ZNRF3: variants seen among roughly 807,000 people sequenced by gnomAD.
ZNRF3 encodes the protein zinc and ring finger 3.
Under a neutral mutation model 72.5 loss-of-function variants are expected in ZNRF3, and 23 were observed. The observed-to-expected ratio is 0.32, with a 90% CI of 0.23 to 0.45. The LOEUF (loss-of-function observed/expected upper bound fraction) is 0.45. ZNRF3 is among the 20% of genes least tolerant of loss of function. The pLI is 1.00. For missense variants in ZNRF3, 1,169 were observed against 1,272.1 expected, an observed-to-expected ratio of 0.92 and a Z score of 1.23; for synonymous variants, 610 against 545.3, an observed-to-expected ratio of 1.12 and a Z score of -1.65.
intron 1 of ZNRF3, among the ~76,000 whole-genome samples, chr22:28,911,643 T>C (rs968766458): frequency 1.3e-5 from 2 of 152,154 alleles, no homozygotes; most frequent in African/African-American, 2.4e-5. Flanking sequence ...TGGAAGAAAA[T>C]TGCTGCCATG....
chr22:28,976,228 A>G (rs1190321809), intron 1 of ZNRF3, among the ~76,000 whole-genome samples: 2 of 152,214 alleles, frequency 1.3e-5, no homozygotes, highest in African/African-American at 4.8e-5. Flanking sequence ...GCACTCCAGC[A>G]TGGGCAACAG....
intron 1 of ZNRF3, among the ~76,000 whole-genome samples, chr22:28,963,196 A>G (rs925159910): frequency 6.6e-6 from 1 of 152,240 alleles, no homozygotes; most frequent in Non-Finnish European, 1.5e-5. Context: ...ATGAAGCAGG[A>G]AACCCAACAC....
At chr22:28,899,440 G>A (rs955934780) in intron 1 of ZNRF3, among the ~76,000 whole-genome samples, 2 of 152,200 alleles carry the variant, frequency 1.3e-5, no homozygotes, top group Admixed American at 6.5e-5. Flanking sequence ...GTTGGCACAC[G>A]TCTCAGCATG....
Position 28,935,295 on chromosome 22 carries a change from C to G in ZNRF3, c.300+51229C>G, listed in dbSNP as rs188059809. Among the ~76,000 whole-genome samples, 222 of 152,310 alleles carry G rather than the reference C, an allele frequency of 1.5e-3. 4 individuals carry two copies. Among genetic ancestry groups the G allele is most frequent in the Non-Finnish European group, 4.9e-4 (33 of 68,018 alleles). On this transcript the variant is annotated intron_variant, in intron 1 of 8. Coordinates refer to ENST00000544604, the MANE Select transcript of ZNRF3 (RefSeq NM_001206998.2). The stretch of plus-strand genomic sequence containing the variant: ...TTGCCTGTGTACCTGCCCTTTGCCC[C>G]TAGAGGTCCCACTGTGAGTGCCCCA...
intron 1 of ZNRF3, among the ~76,000 whole-genome samples, chr22:28,944,264 G>A (rs2035004929): frequency 6.6e-6 from 1 of 150,440 alleles, no homozygotes; most frequent in Non-Finnish European, 1.5e-5. Context: ...GTCTTTGGGG[G>A]AACATTTTTT....
intron 1 of ZNRF3, among the ~76,000 whole-genome samples, chr22:28,938,241 A>G (rs1012839872): frequency 3.3e-5 from 5 of 151,976 alleles, no homozygotes; most frequent in African/African-American, 9.7e-5. Context: ...TTTCATTTAA[A>G]TATGTCTTGA....
At chr22:28,886,943 G>A (rs1479914823) in intron 1 of ZNRF3, among the ~76,000 whole-genome samples, 4 of 151,976 alleles carry the variant, frequency 2.6e-5, no homozygotes, top group East Asian at 1.9e-4. Context: ...ACAACAGAGC[G>A]AGACACTCTC....
At chr22:28,894,144 G>C (rs2033948993) in intron 1 of ZNRF3, among the ~76,000 whole-genome samples, 1 of 149,914 alleles carries the variant, frequency 6.7e-6, no homozygotes, top group Admixed American at 6.7e-5. Flanking sequence ...TTTTTGTAGA[G>C]ATGGGTTTTT....
chr22:28,928,273 C>G (rs915850207), intron 1 of ZNRF3, among the ~76,000 whole-genome samples: 4 of 152,052 alleles, frequency 2.6e-5, no homozygotes, highest in African/African-American at 9.7e-5. Flanking sequence ...CTTACATACA[C>G]TTAGTTTTGA....
chr22:28,991,371 G>A (rs1336074104), intron 2 of ZNRF3, among the ~76,000 whole-genome samples: 1 of 151,120 alleles, frequency 6.6e-6, no homozygotes, highest in East Asian at 1.9e-4. Flanking sequence ...ATAGTACAAT[G>A]TGGGGAAATT....
At chr22:28,929,058 A>C (rs1340200077) in intron 1 of ZNRF3, among the ~76,000 whole-genome samples, 1 of 152,210 alleles carries the variant, frequency 6.6e-6, no homozygotes, top group Non-Finnish European at 1.5e-5. Context: ...CATGAGACAA[A>C]AAAAGAACAC....
intron 2 of ZNRF3, among the ~76,000 whole-genome samples, chr22:29,009,684 G>A (rs886210441): frequency 6.6e-6 from 1 of 152,118 alleles, no homozygotes; most frequent in Non-Finnish European, 1.5e-5. Context: ...GGACTTGGTA[G>A]AAGTTACCCA....
At chr22:28,884,639 G>A (rs1027515018) in intron 1 of ZNRF3, among the ~76,000 whole-genome samples, 5 of 152,298 alleles carry the variant, frequency 3.3e-5, no homozygotes, top group African/African-American at 1.2e-4. Flanking sequence ...GTCGAGGAGT[G>A]GGGATCGGGG....
At chr22:28,956,202 A>T (rs1231771381) in intron 1 of ZNRF3, among the ~76,000 whole-genome samples, 1 of 151,900 alleles carries the variant, frequency 6.6e-6, no homozygotes. Context: ...TAGTAATGTG[A>T]TGTGTGGGGC....
At position 29,050,799 on chromosome 22, in the gene ZNRF3, C is replaced by G. The variant is rs199550379; in HGVS notation, c.2618C>G (p.Thr873Ser). The G allele has an allele frequency of 6.5e-5, 104 of 1,608,300 alleles. No individual in the cohort carries two copies. The African/African-American group carries it at 1.3e-3, about 20-fold the overall frequency. The change falls in exon 8 of 9, where the codon ACC (threonine) becomes AGC (serine). Residue 873 changes from threonine (T) to serine (S), a missense_variant. By Grantham distance (58) the Thr-to-Ser change is moderately conservative (BLOSUM62 1). Transcript: ENST00000544604. ...TPRPHRGLGA[T>S]REEERALCCQ... ...CGGCCCCACAGGGGCCTGGGAGCAACCCGGGAAGAGGAGCGGGCTCTGTGC... is the reference window on the plus strand; with the variant it reads ...CGGCCCCACAGGGGCCTGGGAGCAAGCCGGGAAGAGGAGCGGGCTCTGTGC...
intron 2 of ZNRF3, among the ~76,000 whole-genome samples, chr22:28,999,104 G>A (rs2036097159): frequency 1.3e-5 from 2 of 151,036 alleles, no homozygotes; most frequent in Admixed American, 6.6e-5. Context: ...GATCACTTGA[G>A]GTCAGGAGTT....
chr22:28,894,565 C>G (rs1248851442), intron 1 of ZNRF3, among the ~76,000 whole-genome samples: 1 of 152,174 alleles, frequency 6.6e-6, no homozygotes, highest in African/African-American at 2.4e-5. Flanking sequence ...TCGTCACACC[C>G]TGTGGCAGCA....
chr22:28,987,352 A>G, intron 2 of ZNRF3, 151 bp downstream of exon 2: 1 of 1,247,062 alleles, frequency 8.0e-7, no homozygotes, highest in Non-Finnish European at 1.1e-6. Context: ...GGACTGAGAC[A>G]TGCCTTGCAG....
intron 1 of ZNRF3, among the ~76,000 whole-genome samples, chr22:28,895,279 G>A (rs2033970160): frequency 6.6e-6 from 1 of 152,182 alleles, no homozygotes; most frequent in African/African-American, 2.4e-5. Context: ...GCTGAAGTCT[G>A]GAGCCATTGG....
Sources: gnomAD v4.1 joint callset for allele counts (sites outside exome capture counted in the v4.1 genomes callset) on GRCh38, gnomAD v4.1.1 for gene constraint, MANE v1.5 for transcripts, NCBI Gene and HGNC (gene_info 2026-07-23, HGNC 2026-07-21) for gene names.